The following KLF17 variants were observed in gnomAD, a reference collection of about 807,000 sequenced individuals.
The protein encoded by KLF17 is Krueppel-like factor 17.
In KLF17, 31 loss-of-function variants were observed where a neutral mutation model predicts 34.2. That is an observed-to-expected ratio of 0.91 (90% CI 0.68 to 1.22). The LOEUF is 1.22. Among genes scored for constraint, KLF17 ranks in the 50% most tolerant of loss-of-function variants. The pLI, the probability that KLF17 is intolerant of heterozygous loss-of-function variation, is 0.00. For synonymous variants in KLF17, 179 were observed against 186.7 expected (o/e 0.96, Z 0.34); for missense variants, 478 against 505.2 (o/e 0.95, Z 0.52).
At chr1:44,130,957 G>A (rs547088433) in intron 3 of KLF17, among the ~76,000 whole-genome samples, 8 of 152,160 alleles carry the variant, frequency 5.3e-5, no homozygotes, top group South Asian at 4.2e-4. Flanking sequence ...CACCAGGCCC[G>A]GGTAATTTTT....
At chr1:44,107,894 T>G in the KLF17 span, among the ~76,000 whole-genome samples, 1 of 152,224 alleles carries the variant, frequency 6.6e-6, no homozygotes, top group South Asian at 2.1e-4. Flanking sequence ...ATATATAGGG[T>G]CTGATATTAT....
chr1:44,124,197 T>G (rs943972391), intron 1 of KLF17, among the ~76,000 whole-genome samples: 3 of 152,194 alleles, frequency 2.0e-5, no homozygotes, highest in Non-Finnish European at 4.4e-5. Flanking sequence ...CCATTTACTT[T>G]CCAAAGTATT....
chr1:44,112,322 C>G, the KLF17 span, among the ~76,000 whole-genome samples: 38 of 152,214 alleles, frequency 2.5e-4, no homozygotes, highest in African/African-American at 9.2e-4. Flanking sequence ...CTAGCCTCCT[C>G]TTCATCTCCC....
intron 1 of KLF17, among the ~76,000 whole-genome samples, chr1:44,120,289 G>A (rs1052597190): frequency 1.3e-5 from 2 of 152,240 alleles, no homozygotes; most frequent in East Asian, 1.9e-4. Context: ...TCGCCAGAGC[G>A]AAGATTCCAG....
At chr1:44,098,432 C>CT in the KLF17 span, among the ~76,000 whole-genome samples, 1 of 147,508 alleles carries the variant, frequency 6.8e-6, no homozygotes, top group Admixed American at 6.7e-5. Context: ...GTCTTTTGCA[C>CT]TTTTTTAGTC....
At chr1:44,107,271 AT>A in the KLF17 span, 1 of 152,076 alleles carries the variant, frequency 6.6e-6, no homozygotes, top group Non-Finnish European at 1.5e-5. Context: ...TGCCCAGCTA[AT>A]TTTTGTATTT....
At chr1:44,080,471 C>T in the KLF17 span, among the ~76,000 whole-genome samples, 1 of 151,850 alleles carries the variant, frequency 6.6e-6, no homozygotes, top group South Asian at 2.1e-4. Context: ...ATCTCCTGAC[C>T]TCGTGATATG....
the KLF17 span, among the ~76,000 whole-genome samples, chr1:44,079,899 T>C: frequency 6.6e-6 from 1 of 152,014 alleles, no homozygotes; most frequent in Non-Finnish European, 1.5e-5. Flanking sequence ...CATTTTTCTA[T>C]TTGTGCCTGC....
At chr1:44,055,636 C>T in the KLF17 span, among the ~76,000 whole-genome samples, 1 of 152,156 alleles carries the variant, frequency 6.6e-6, no homozygotes, top group Non-Finnish European at 1.5e-5. Flanking sequence ...CTCAGGTAGA[C>T]CCCTCTGTTT....
chr1:44,099,845 G>GA, the KLF17 span, among the ~76,000 whole-genome samples: 30 of 35,988 alleles, frequency 8.3e-4, no homozygotes, highest in African/African-American at 4.3e-3. Context: ...AAGAAAGAAA[G>GA]AAAGAAAGAA....
At chr1:44,127,692 T>TTCTTTTCTTTCTTTCTTTCTTTCTTTC (rs753421834) in intron 1 of KLF17, among the ~76,000 whole-genome samples, 3 of 90,136 alleles carry the variant, frequency 3.3e-5, no homozygotes, top group African/African-American at 1.7e-4. Flanking sequence ...CTTTCTTTCT[T>TTCTTTTCTTTCTTTCTTTCTTTCTTTC]TTTCTTTCTT....
the KLF17 span, among the ~76,000 whole-genome samples, chr1:44,054,709 C>A: frequency 2.0e-5 from 3 of 150,944 alleles, no homozygotes; most frequent in Non-Finnish European, 4.4e-5. Flanking sequence ...TCTCAGTCTC[C>A]TGACCTCATG....
At chr1:44,055,292 G>C in the KLF17 span, among the ~76,000 whole-genome samples, 5 of 152,124 alleles carry the variant, frequency 3.3e-5, no homozygotes, top group Non-Finnish European at 7.4e-5. Flanking sequence ...GTTCTTAATG[G>C]ACATGGGAGC....
At chr1:44,092,026 C>A in the KLF17 span, among the ~76,000 whole-genome samples, 608 of 129,112 alleles carry the variant, frequency 4.7e-3, 5 homozygotes, top group African/African-American at 0.017. Context: ...AAAAGAACTA[C>A]TGCATTAAAA....
At chr1:44,083,186 A>T in the KLF17 span, among the ~76,000 whole-genome samples, 1 of 151,644 alleles carries the variant, frequency 6.6e-6, no homozygotes, top group Non-Finnish European at 1.5e-5. Flanking sequence ...GGGCTCAAGC[A>T]AGCCTTCTGC....
At chr1:44,099,897 GAAA>G in the KLF17 span, among the ~76,000 whole-genome samples, 5 of 57,920 alleles carry the variant, frequency 8.6e-5, no homozygotes, top group African/African-American at 1.2e-4. Context: ...AAGAAAGAAA[GAAA>G]GAAAGAAAGA....
At chr1:44,090,916 ACACACACACATGCACACG>A in the KLF17 span, among the ~76,000 whole-genome samples, 2 of 149,750 alleles carry the variant, frequency 1.3e-5, no homozygotes, top group African/African-American at 5.0e-5. Context: ...TTCCCACCAC[ACACACACACATGCACACG>A]CACACACACA....
chr1:44,079,171 TC>T, the KLF17 span, among the ~76,000 whole-genome samples: 1 of 152,162 alleles, frequency 6.6e-6, no homozygotes, highest in Non-Finnish European at 1.5e-5. Flanking sequence ...CTTACTCCTT[TC>T]CTTGGTACTC....
the KLF17 span, among the ~76,000 whole-genome samples, chr1:44,078,137 G>T: frequency 6.6e-6 from 1 of 152,124 alleles, no homozygotes; most frequent in Non-Finnish European, 1.5e-5. Flanking sequence ...TTTATGGTTG[G>T]TGCTGTAGAT....
Sources: gnomAD v4.1 joint callset for allele counts (sites outside exome capture counted in the v4.1 genomes callset) on GRCh38, gnomAD v4.1.1 for gene constraint, MANE v1.5 for transcripts, NCBI Gene and HGNC (gene_info 2026-07-23, HGNC 2026-07-21) for gene names.